DLG2: variants seen among roughly 807,000 people sequenced by gnomAD.
DLG2 encodes discs large MAGUK scaffold protein 2.
Under a neutral mutation model 132.5 loss-of-function variants are expected in DLG2, and 45 were observed. The ratio of observed to expected loss-of-function variants is 0.34; its 90% CI spans 0.27 to 0.44. The LOEUF (loss-of-function observed/expected upper bound fraction) is 0.44. Ranked by LOEUF, DLG2 falls within the 20% of genes least tolerant of loss-of-function variation. The probability of loss-of-function intolerance (pLI) is 1.00; values close to 1 mark genes in which losing one functional copy is unlikely to be tolerated. For synonymous variants in DLG2, 424 were observed against 419.6 expected (o/e 1.01, Z -0.13); for missense variants, 1,045 against 1,196.9 (o/e 0.87, Z 1.87).
intron 6 of DLG2, among the ~76,000 whole-genome samples, chr11:84,721,634 TG>T (rs1317944593): frequency 6.6e-6 from 1 of 151,472 alleles, no homozygotes; most frequent in Non-Finnish European, 1.5e-5. Context: ...AAGAAGGGTG[TG>T]GGGGTAGGAA....
intron 14 of DLG2, among the ~76,000 whole-genome samples, chr11:83,961,356 T>G (rs996185224): frequency 6.6e-6 from 1 of 152,106 alleles, no homozygotes; most frequent in African/African-American, 2.4e-5. Flanking sequence ...CATATTTCTA[T>G]GATGAACATA....
intron 8 of DLG2, among the ~76,000 whole-genome samples, chr11:84,234,272 G>A (rs1392286275): frequency 2.0e-5 from 3 of 152,186 alleles, no homozygotes; most frequent in African/African-American, 7.2e-5. Context: ...GCCTCCAAGT[G>A]TATTTCCTTT....
intron 6 of DLG2, among the ~76,000 whole-genome samples, chr11:85,014,211 C>T (rs547102175): frequency 1.1e-4 from 16 of 152,242 alleles, no homozygotes; most frequent in African/African-American, 3.6e-4. Context: ...CTTTTCTGAG[C>T]CTTAATTTCT....
intron 15 of DLG2, among the ~76,000 whole-genome samples, chr11:83,908,111 G>A (rs1333407321): frequency 6.6e-6 from 1 of 152,198 alleles, no homozygotes; most frequent in African/African-American, 2.4e-5. Context: ...CTTATGCACA[G>A]TAAAGTGTTA....
intron 6 of DLG2, among the ~76,000 whole-genome samples, chr11:84,843,986 T>A (rs528631564): frequency 6.7e-6 from 1 of 150,056 alleles, no homozygotes; most frequent in Admixed American, 6.7e-5. Flanking sequence ...TAGATACATA[T>A]ATAAAGGTGA....
chr11:85,411,673 G>A (rs1454576161), intron 3 of DLG2, among the ~76,000 whole-genome samples: 5 of 151,832 alleles, frequency 3.3e-5, no homozygotes, highest in Admixed American at 3.3e-4. Flanking sequence ...TCAACAGATA[G>A]ATCTGTAAAA....
chr11:83,566,712 GGTGTGTGT>G lies in DLG2; in HGVS notation c.1941-24862_1941-24855del, dbSNP rs59829516. ...GATAAAAGCTAAGGGCAGAGGGCAT[GGTGTGTGT>G]GTGTGTGTGTGTGTGTGTGTGTGTG... is the stretch of plus-strand genomic sequence containing the variant. On this transcript the variant is annotated intron_variant, in intron 19 of 27. Coordinates refer to ENST00000376104, the MANE Select transcript of DLG2 (RefSeq NM_001142699.3). Among the ~76,000 whole-genome samples the G allele has an allele frequency of 8.5e-3, 1,219 of 144,032 alleles. 20 individuals carry two copies. Among genetic ancestry groups the G allele is most frequent in the African/African-American group, 0.028 (1,126 of 39,694 alleles). 94.5% of individuals were successfully genotyped at this position (144,032 alleles called of 152,430 possible).
intron 6 of DLG2, among the ~76,000 whole-genome samples, chr11:84,988,797 C>T (rs761971560): frequency 6.6e-6 from 1 of 152,068 alleles, no homozygotes; most frequent in East Asian, 1.9e-4. Context: ...ATGGGTGCAC[C>T]AAAATCTCAC....
intron 21 of DLG2, among the ~76,000 whole-genome samples, chr11:83,525,187 G>A (rs2095576246): frequency 6.6e-6 from 1 of 152,098 alleles, no homozygotes; most frequent in Non-Finnish European, 1.5e-5. Flanking sequence ...CGGCTTTCAG[G>A]GTTTACATAG....
chr11:83,468,585 C>T (rs752358764), intron 25 of DLG2, among the ~76,000 whole-genome samples: 1 of 152,188 alleles, frequency 6.6e-6, no homozygotes, highest in Non-Finnish European at 1.5e-5. Context: ...CAACAAATAT[C>T]TTCTCCTATG....
At chr11:83,978,501 T>C (rs973582550) in intron 12 of DLG2, among the ~76,000 whole-genome samples, 1 of 152,160 alleles carries the variant, frequency 6.6e-6, no homozygotes, top group African/African-American at 2.4e-5. Context: ...TATACCTTAA[T>C]GACAACCTTT....
At chr11:85,515,224 T>A (rs1313310496) in intron 3 of DLG2, among the ~76,000 whole-genome samples, 1 of 151,980 alleles carries the variant, frequency 6.6e-6, no homozygotes, top group Non-Finnish European at 1.5e-5. Context: ...TACGCCTAGA[T>A]TATTCTAATT....
chr11:84,344,317 A>T (rs905752890), intron 7 of DLG2, among the ~76,000 whole-genome samples: 2 of 152,182 alleles, frequency 1.3e-5, no homozygotes, highest in Admixed American at 1.3e-4. Context: ...CATTGGGGTG[A>T]TAATAGTTCC....
Position 83,908,687 on chromosome 11 carries a change from C to T in DLG2, c.1496+21641G>A, listed in dbSNP as rs562101034. Among the ~76,000 whole-genome samples the T allele has an allele frequency of 1.0e-3, 157 of 152,182 alleles. 2 individuals carry two copies. The highest frequency in any genetic ancestry group is 3.7e-3 in the African/African-American group (152 of 41,536). ...GTATTTGTTGAATTAAAGATTATTG[C>T]ACATGACTGTTAGAGTAGGCCACTG... On this transcript the variant is annotated intron_variant, in intron 15 of 27. Coordinates refer to ENST00000376104, the MANE Select transcript of DLG2 (RefSeq NM_001142699.3).
rs1391673408 is a variant in DLG2, at chr11:84,814,207, G to C, written c.358-279476C>G. Among the ~76,000 whole-genome samples, 4 of 152,166 alleles carry C rather than the reference G, an allele frequency of 2.6e-5. No individual in the cohort carries two copies. The East Asian group carries it at 5.8e-4, about 22-fold the overall frequency. Reference sequence around the variant, plus strand: ...TGTGATCATTCATGTGAATTAGTTAGAGACTGTGCCAAGGAGTCTCTGAGC... The same window carrying C: ...TGTGATCATTCATGTGAATTAGTTACAGACTGTGCCAAGGAGTCTCTGAGC... On this transcript the variant is annotated intron_variant, in intron 6 of 27. Transcript: ENST00000376104.
intron 22 of DLG2, among the ~76,000 whole-genome samples, chr11:83,474,524 G>GT (rs2092422850): frequency 6.6e-6 from 1 of 152,086 alleles, no homozygotes; most frequent in Non-Finnish European, 1.5e-5. Context: ...ATGTGCAAGG[G>GT]AAGAATTCTG....
chr11:83,486,699 GTATC>G (rs1426578046), intron 21 of DLG2, among the ~76,000 whole-genome samples: 1 of 151,958 alleles, frequency 6.6e-6, no homozygotes, highest in Non-Finnish European at 1.5e-5. Context: ...AAGAATAAAA[GTATC>G]TAACATGTCA....
At chr11:84,114,054 C>T (rs552159610) in intron 9 of DLG2, among the ~76,000 whole-genome samples, 4 of 151,988 alleles carry the variant, frequency 2.6e-5, no homozygotes, top group African/African-American at 9.6e-5. Flanking sequence ...TGCCCTTCTA[C>T]TTACTACTCT....
chr11:83,563,051 T>C (rs1193065485), intron 19 of DLG2, among the ~76,000 whole-genome samples: 2 of 145,398 alleles, frequency 1.4e-5, no homozygotes, highest in African/African-American at 5.1e-5. Context: ...CTTTGCTCAC[T>C]GCAAGCTCCA....
Sources: gnomAD v4.1 joint callset for allele counts (sites outside exome capture counted in the v4.1 genomes callset) on GRCh38, gnomAD v4.1.1 for gene constraint, MANE v1.5 for transcripts, NCBI Gene and HGNC (gene_info 2026-07-23, HGNC 2026-07-21) for gene names.